The following SARM1 variants were observed in gnomAD, a reference collection of about 807,000 sequenced individuals.
SARM1 encodes the protein NAD(+) hydrolase SARM1.
A neutral mutation model predicts 65.1 loss-of-function variants in SARM1; 60 were observed. The ratio of observed to expected loss-of-function variants is 0.92; its 90% CI spans 0.75 to 1.14. SARM1 has a LOEUF of 1.14. Ranked by LOEUF, SARM1 falls within the 50% of genes most tolerant of loss-of-function variation. The pLI is 0.00. For synonymous variants in SARM1, 417 were observed against 465.4 expected, an observed-to-expected ratio of 0.90 and a Z score of 1.34; for missense variants, 913 against 1,015.7, an observed-to-expected ratio of 0.90 and a Z score of 1.37.
At chr17:28,386,180 C>T (rs1379202876) in intron 5 of SARM1, among the ~76,000 whole-genome samples, 8 of 152,122 alleles carry the variant, frequency 5.3e-5, no homozygotes, top group Non-Finnish European at 2.9e-5. Context: ...TGGCGCATAC[C>T]TGTAGTCCCA....
At position 28,402,076 on chromosome 17, in the gene SARM1, C is replaced by G; in HGVS notation, c.*5790C>G. On this transcript the variant is annotated 3_prime_UTR_variant, in exon 9 of 9. Transcript: ENST00000585482. The stretch of plus-strand genomic sequence containing the variant: ...AATCCAAGGTGGCATGATCCTCTGC[C>G]CATTGTGGGCAATTTCACAGAAATG... 1 of 598,490 alleles carries G rather than the reference C, an allele frequency of 1.7e-6. No homozygotes were observed. The highest frequency in any genetic ancestry group is 2.8e-5 in the East Asian group (1 of 35,170). The allele number at this position is 598,490 out of a possible 1,614,324, so 37.1% of individuals were successfully genotyped here.
chr17:28,398,091 A>G lies in SARM1; in HGVS notation c.*1805A>G, dbSNP rs2068153075. The G allele has an allele frequency of 6.6e-6, 1 of 152,480 alleles. No individual in the cohort carries two copies. Among genetic ancestry groups the G allele is most frequent in the Non-Finnish European group, 1.5e-5 (1 of 68,234 alleles). The allele number at this position is 152,480 out of a possible 1,614,324, so 9.4% of individuals were successfully genotyped here. ...CCGGGGCCAGAGCCAGGGCATGGATATGACAAGCAGGGCAGCCTGGACACT... is the reference window on the plus strand; with the variant it reads ...CCGGGGCCAGAGCCAGGGCATGGATGTGACAAGCAGGGCAGCCTGGACACT... On this transcript the variant is annotated 3_prime_UTR_variant, in exon 9 of 9. Coordinates refer to ENST00000585482, the MANE Select transcript of SARM1 (RefSeq NM_015077.4).
intron 7 of SARM1, chr17:28,395,326 T>A (rs1164023618): frequency 6.5e-6 from 1 of 152,778 alleles, no homozygotes; most frequent in Non-Finnish European, 1.5e-5. Context: ...ATACATAGGA[T>A]CTCTACGTAT....
chr17:28,389,684 G>A (rs1555586621), intron 7 of SARM1, among the ~76,000 whole-genome samples: 1 of 152,088 alleles, frequency 6.6e-6, no homozygotes. Flanking sequence ...TCAGGAGTTC[G>A]AGACCAGCCT....
In SARM1 at chr17:28,399,065, G is replaced by C. The variant is rs1303846035; in HGVS notation, c.*2779G>C. 6.5e-6 allele frequency: 1 copy of C among 152,728 alleles called. No homozygotes were observed. Among genetic ancestry groups the C allele is most frequent in the African/African-American group, 2.4e-5 (1 of 41,464 alleles). 9.5% of individuals were successfully genotyped at this position (152,728 alleles called of 1,614,324 possible). On this transcript the variant is annotated 3_prime_UTR_variant, in exon 9 of 9. Coordinates refer to ENST00000585482, the MANE Select transcript of SARM1 (RefSeq NM_015077.4). ...TTGCTGAAGCTGATTTGTAATGATT[G>C]GCACTCTTCAGCCAGGGGAGTGGGT... is the stretch of plus-strand genomic sequence containing the variant.
chr17:28,386,411 G>A (rs2068050746), intron 5 of SARM1, among the ~76,000 whole-genome samples: 1 of 151,786 alleles, frequency 6.6e-6, no homozygotes, highest in African/African-American at 2.4e-5. Flanking sequence ...TCCATCATGG[G>A]TGTTCCTTTT....
Position 28,372,664 on chromosome 17 carries a change from A to G in SARM1, c.470+162A>G, listed in dbSNP as rs1468424657. Among the ~76,000 whole-genome samples the G allele has an allele frequency of 6.6e-6, 1 of 152,226 alleles. No homozygotes were observed. The highest frequency in any genetic ancestry group is 1.9e-4 in the East Asian group (1 of 5,202). ...AGCCTGTCTGTTTCACAGATAAGGAAACTGAGCCTTGGGAAAGTTTAGTGA... is the reference window on the plus strand; with the variant it reads ...AGCCTGTCTGTTTCACAGATAAGGAGACTGAGCCTTGGGAAAGTTTAGTGA... On this transcript the variant is annotated intron_variant, in intron 1 of 8. Transcript: ENST00000585482. The surrounding 1 kb of genome is among the most constrained non-coding windows in gnomAD (Gnocchi z 5.2).
chr17:28,381,200 C>T lies in SARM1; in HGVS notation c.471-3C>T. On this transcript the variant is annotated splice_region_variant and splice_polypyrimidine_tract_variant and intron_variant, in intron 1 of 8. Transcript: ENST00000585482. ...ACTGTCCCCTTCCACTTTCACTGGG[C>T]AGAGACCGCGTGGCGCGCATTGGGC... 2 of 1,588,052 alleles carry T rather than the reference C, an allele frequency of 1.3e-6. No individual in the cohort carries two copies. Among genetic ancestry groups the T allele is most frequent in the Non-Finnish European group, 1.7e-6 (2 of 1,167,576 alleles).
chr17:28,378,161 C>A (rs1555584819), intron 1 of SARM1, among the ~76,000 whole-genome samples: 1 of 152,198 alleles, frequency 6.6e-6, no homozygotes, highest in Non-Finnish European at 1.5e-5. Context: ...CAAATATGGC[C>A]AGGCCACTCC....
At chr17:28,390,780 A>G (rs1255699579) in intron 7 of SARM1, among the ~76,000 whole-genome samples, 1 of 152,190 alleles carries the variant, frequency 6.6e-6, no homozygotes, top group Non-Finnish European at 1.5e-5. Flanking sequence ...GAATCTGGGT[A>G]AGTGGAATAG....
chr17:28,373,553 G>A (rs1055415764), intron 1 of SARM1: 1 of 152,194 alleles, frequency 6.6e-6, no homozygotes, highest in Non-Finnish European at 1.5e-5. Context: ...AATTTAGGTT[G>A]GGAGACCAAG....
intron 7 of SARM1, among the ~76,000 whole-genome samples, chr17:28,393,524 C>G (rs941644184): frequency 1.3e-5 from 2 of 151,432 alleles, no homozygotes; most frequent in African/African-American, 4.9e-5. Flanking sequence ...GCCCTCCAGC[C>G]TGGGCAAAAA....
intron 1 of SARM1, among the ~76,000 whole-genome samples, chr17:28,375,273 A>G (rs781992802): frequency 1.9e-4 from 29 of 152,226 alleles, no homozygotes; most frequent in Non-Finnish European, 3.1e-4. Context: ...GGAATATTCA[A>G]TGAATAAATG....
chr17:28,387,279 C>G (rs1481584849), intron 5 of SARM1, among the ~76,000 whole-genome samples: 3 of 150,888 alleles, frequency 2.0e-5, no homozygotes. Context: ...GTCGCCCAGG[C>G]TAGAGTGCGG....
At position 28,381,483 on chromosome 17, in the gene SARM1, GC is replaced by G; in HGVS notation, c.753del (p.Glu252SerfsTer23). ...GCGACGCATGGTAGAGAAGCGCGCA[GC>G]CGAGTGGCTCTTCCCGCTCGCCTTC... is the stretch of plus-strand genomic sequence containing the variant. ...VQRRMVEKRA[A>X]EWLFPLAFSK... is the part of the protein sequence containing the mutation. On this transcript the variant is annotated frameshift_variant, in exon 2 of 9. Coordinates refer to ENST00000585482, the MANE Select transcript of SARM1 (RefSeq NM_015077.4). LOFTEE classifies it high-confidence loss of function. The G allele has an allele frequency of 6.4e-7, 1 of 1,554,206 alleles. No individual in the cohort carries two copies. The highest frequency in any genetic ancestry group is 8.7e-7 in the Non-Finnish European group (1 of 1,149,504).
rs782044138 is a variant in SARM1, at chr17:28,400,745, G to T, written c.*4459G>T. On this transcript the variant is annotated 3_prime_UTR_variant, in exon 9 of 9. Coordinates refer to ENST00000585482, the MANE Select transcript of SARM1 (RefSeq NM_015077.4). Reference sequence around the variant, plus strand: ...CAGCATGGCCAGGCTATTCACACAGGCCACAGCAGAAAAGAGAGCACCTGT... The same window carrying T: ...CAGCATGGCCAGGCTATTCACACAGTCCACAGCAGAAAAGAGAGCACCTGT... The T allele has an allele frequency of 1.4e-5, 22 of 1,584,850 alleles. No individual in the cohort carries two copies. Among genetic ancestry groups the T allele is most frequent in the Non-Finnish European group, 3.4e-6 (4 of 1,165,528 alleles).
In SARM1 at chr17:28,372,019, G is replaced by A; in HGVS notation, c.-14G>A. ...CGCCTCCAGGCCGGGGATGTCCCCC[G>A]CGGCCCCGCGCCCATGGTCCTGACG... On this transcript the variant is annotated 5_prime_UTR_variant, in exon 1 of 9. Transcript: ENST00000585482. The surrounding 1 kb of genome is among the most constrained non-coding windows in gnomAD (Gnocchi z 5.2). The A allele has an allele frequency of 6.8e-7, 1 of 1,474,700 alleles. No individual in the cohort carries two copies. Among genetic ancestry groups the A allele is most frequent in the East Asian group, 2.9e-5 (1 of 35,076 alleles). 91.4% of individuals were successfully genotyped at this position (1,474,700 alleles called of 1,614,324 possible).
Position 28,372,209 on chromosome 17 carries a change from C to T in SARM1, c.177C>T (p.Thr59=). The change falls in exon 1 of 9, where the codon ACC becomes ACT. Residue 59 remains threonine, a synonymous_variant. Coordinates refer to ENST00000585482, the MANE Select transcript of SARM1 (RefSeq NM_015077.4). This position sits in a 1 kb window ranked among gnomAD's most constrained non-coding sequence, Gnocchi z 5.2. ...GPREVSPGAG[T]EVQDALERAL... is the part of the protein sequence containing the mutation. ...GCGAAGTGTCGCCGGGGGCAGGCACCGAGGTGCAGGACGCCCTGGAGCGCG... is the reference window on the plus strand; with the variant it reads ...GCGAAGTGTCGCCGGGGGCAGGCACTGAGGTGCAGGACGCCCTGGAGCGCG... The T allele has an allele frequency of 1.5e-6, 2 of 1,377,368 alleles. No individual in the cohort carries two copies. Among genetic ancestry groups the T allele is most frequent in the South Asian group, 1.7e-5 (1 of 58,850 alleles). 85.3% of individuals were successfully genotyped at this position (1,377,368 alleles called of 1,614,324 possible).
chr17:28,375,947 A>G lies in SARM1; in HGVS notation c.470+3445A>G, dbSNP rs146348819. Among the ~76,000 whole-genome samples the G allele has an allele frequency of 2.6e-3, 391 of 152,340 alleles. 2 individuals are homozygous for G. The highest frequency in any genetic ancestry group is 3.4e-3 in the Middle Eastern group (1 of 294). ...TGCATATACAGGCATTTGCATGTAT[A>G]TTATATAGACATGTTTGCAATATAT... On this transcript the variant is annotated intron_variant, in intron 1 of 8. Transcript: ENST00000585482.
Sources: allele counts gnomAD v4.1 joint callset (sites outside exome capture counted in the v4.1 genomes callset), GRCh38; gene constraint gnomAD v4.1.1; non-coding constraint Gnocchi (gnomAD v3.1); transcripts MANE v1.5; gene names NCBI Gene and HGNC (gene_info 2026-07-23, HGNC 2026-07-21).